Variants in SGCD observed in about 807,000 individuals in gnomAD.
SGCD encodes delta-sarcoglycan.
In SGCD, 18 loss-of-function variants were observed where a neutral mutation model predicts 36.6. That is an observed-to-expected ratio of 0.49 (90% CI 0.34 to 0.73). The LOEUF (loss-of-function observed/expected upper bound fraction) is 0.73. Ranked by LOEUF, SGCD falls within the 30% of genes least tolerant of loss-of-function variation. The pLI is 0.01. For synonymous variants in SGCD, 133 were observed against 130.6 expected, an observed-to-expected ratio of 1.02 and a Z score of -0.12; for missense variants, 387 against 346.7, an observed-to-expected ratio of 1.12 and a Z score of -0.92.
intron 4 of SGCD, among the ~76,000 whole-genome samples, chr5:156,528,923 G>A (rs1757760503): frequency 6.6e-6 from 1 of 152,130 alleles, no homozygotes; most frequent in South Asian, 2.1e-4. Context: ...GAACATCCCA[G>A]CTGTCTAGAA....
chr5:155,878,333 T>G (rs1580966770), intron 1 of SGCD, among the ~76,000 whole-genome samples: 2 of 152,126 alleles, frequency 1.3e-5, no homozygotes, highest in African/African-American at 2.4e-5. Flanking sequence ...TCTACCCTTC[T>G]TAGCATGTTG....
chr5:156,733,139 T>C (rs1188386864), intron 7 of SGCD, among the ~76,000 whole-genome samples: 1 of 152,116 alleles, frequency 6.6e-6, no homozygotes, highest in African/African-American at 2.4e-5. Context: ...CTACTTCTTT[T>C]TGGTGTTGGA....
intron 6 of SGCD, among the ~76,000 whole-genome samples, chr5:156,647,072 AT>A (rs1763253706): frequency 6.6e-6 from 1 of 152,142 alleles, no homozygotes; most frequent in Non-Finnish European, 1.5e-5. Flanking sequence ...GTGTTATGTG[AT>A]TTGTGCCATG....
intron 3 of SGCD, among the ~76,000 whole-genome samples, chr5:156,127,332 C>T (rs766778114): frequency 4.6e-5 from 7 of 151,992 alleles, no homozygotes; most frequent in African/African-American, 1.2e-4. Context: ...ATCCAGACAT[C>T]GAGGCTCATG....
At chr5:156,476,736 C>T (rs1755198491) in intron 3 of SGCD, among the ~76,000 whole-genome samples, 1 of 152,194 alleles carries the variant, frequency 6.6e-6, no homozygotes, top group Non-Finnish European at 1.5e-5. Context: ...GGAAAATTGT[C>T]ACCTGAGGGA....
Position 156,257,067 on chromosome 5 carries a change from C to A in SGCD, c.-43-72467C>A, listed in dbSNP as rs149322525. Among the ~76,000 whole-genome samples the A allele has an allele frequency of 1.8e-3, 279 of 152,058 alleles. 3 individuals are homozygous for A. The highest frequency in any genetic ancestry group is 6.4e-3 in the African/African-American group (264 of 41,442). On this transcript the variant is annotated intron_variant, in intron 3 of 9. Transcript: ENST00000517913. The stretch of plus-strand genomic sequence containing the variant: ...TGGTGGCATGTTCCTATGGTCCTAG[C>A]TACTCAGGAGGCTGAGGTGGGAGGA...
intron 1 of SGCD, among the ~76,000 whole-genome samples, chr5:156,068,693 G>A (rs889463397): frequency 1.1e-4 from 17 of 151,710 alleles, no homozygotes; most frequent in Non-Finnish European, 2.1e-4. Flanking sequence ...CTCAGGAATC[G>A]CCACACTGAC....
rs187426819 is a variant in SGCD, at chr5:156,253,583, A to G, written c.-43-75951A>G. Among the ~76,000 whole-genome samples, 6 of 152,312 alleles carry G rather than the reference A, an allele frequency of 3.9e-5. No homozygotes were observed. The East Asian group carries it at 1.2e-3, about 29-fold the overall frequency. ...TCTATAGAAGGCTTCCTATCGCCGT[A>G]TAACTTCCCATCTTCCAAAATACTT... On this transcript the variant is annotated intron_variant, in intron 3 of 9. Transcript: ENST00000517913.
intron 6 of SGCD, among the ~76,000 whole-genome samples, chr5:156,624,990 C>T (rs143566761): frequency 1.3e-5 from 2 of 152,248 alleles, no homozygotes; most frequent in Non-Finnish European, 2.9e-5. Context: ...TAAAACCATC[C>T]TTAAAGGTAC....
At chr5:156,602,578 G>A (rs1036482938) in intron 6 of SGCD, among the ~76,000 whole-genome samples, 1 of 152,002 alleles carries the variant, frequency 6.6e-6, no homozygotes, top group Non-Finnish European at 1.5e-5. Context: ...GTTAACTGGT[G>A]ATTTCTTGTA....
chr5:156,682,781 T>C (rs139907975), intron 7 of SGCD, among the ~76,000 whole-genome samples: 1 of 118,418 alleles, frequency 8.4e-6, no homozygotes, highest in Admixed American at 1.0e-4. Context: ...AGGCTTAGTT[T>C]ACATTTGAGA....
chr5:156,115,274 A>G (rs1761881850), intron 1 of SGCD, among the ~76,000 whole-genome samples: 1 of 152,060 alleles, frequency 6.6e-6, no homozygotes, highest in Admixed American at 6.6e-5. Flanking sequence ...CATTTTGGTA[A>G]ACTTTCTTTG....
intron 4 of SGCD, among the ~76,000 whole-genome samples, chr5:156,568,632 A>G (rs1759593091): frequency 1.3e-5 from 2 of 152,206 alleles, no homozygotes; most frequent in South Asian, 2.1e-4. Flanking sequence ...GATAATTTCT[A>G]AAGCCTGAAT....
chr5:156,259,297 C>T (rs1244344627), intron 3 of SGCD, among the ~76,000 whole-genome samples: 1 of 151,786 alleles, frequency 6.6e-6, no homozygotes, highest in East Asian at 1.9e-4. Flanking sequence ...TTGTGCCTAT[C>T]GTTTTATTGG....
chr5:156,027,824 G>T (rs1228388607), intron 1 of SGCD, among the ~76,000 whole-genome samples: 1 of 152,138 alleles, frequency 6.6e-6, no homozygotes, highest in Non-Finnish European at 1.5e-5. Context: ...AATAGTATGT[G>T]ATATAATGTT....
At chr5:155,768,606 G>C in the SGCD span, among the ~76,000 whole-genome samples, 1 of 152,122 alleles carries the variant, frequency 6.6e-6, no homozygotes, top group Non-Finnish European at 1.5e-5. Flanking sequence ...TAGTCATGGT[G>C]CTGGGGCTAA....
At chr5:156,363,168 T>C (rs1000523476) in intron 3 of SGCD, among the ~76,000 whole-genome samples, 3 of 152,182 alleles carry the variant, frequency 2.0e-5, no homozygotes, top group Non-Finnish European at 4.4e-5. Flanking sequence ...ACAAGCATAA[T>C]TAATTTCAGT....
At chr5:156,132,456 G>GTTTTTTTTTTTTT (rs1561532851) in intron 3 of SGCD, among the ~76,000 whole-genome samples, 5 of 73,580 alleles carry the variant, frequency 6.8e-5, no homozygotes, top group African/African-American at 3.1e-4. Flanking sequence ...AACTTACCAA[G>GTTTTTTTTTTTTT]TCTTTTTTTT....
rs566163947 is a variant in SGCD at position 156,567,345 on chromosome 5, G to A, written c.295-21886G>A. On this transcript the variant is annotated intron_variant, in intron 4 of 8. Coordinates refer to ENST00000337851, the MANE Select transcript of SGCD (RefSeq NM_000337.6). Reference sequence around the variant, plus strand: ...TGGGGGAAGGAGAGAGGGAGGGAGTGAGGCAGGGAGGGAGGGAGGGATGGA... The same window carrying A: ...TGGGGGAAGGAGAGAGGGAGGGAGTAAGGCAGGGAGGGAGGGAGGGATGGA... Among the ~76,000 whole-genome samples, 203 of 148,466 alleles carry A rather than the reference G, an allele frequency of 1.4e-3. 1 individual carries two copies. Among genetic ancestry groups the A allele is most frequent in the Non-Finnish European group, 2.4e-3 (163 of 67,166 alleles).
Sources: gnomAD v4.1 joint callset for allele counts (sites outside exome capture counted in the v4.1 genomes callset) on GRCh38, gnomAD v4.1.1 for gene constraint, MANE v1.5 for transcripts, NCBI Gene and HGNC (gene_info 2026-07-23, HGNC 2026-07-21) for gene names.